SYNJ1: variants seen among roughly 807,000 people sequenced by gnomAD.
The protein encoded by SYNJ1 is synaptojanin 1, also known as polyphosphatidylinositol phosphatase SYNJ1.
Under a neutral mutation model 168.2 loss-of-function variants are expected in SYNJ1, and 78 were observed. That is an observed-to-expected ratio of 0.46 (90% CI 0.39 to 0.56). The LOEUF (loss-of-function observed/expected upper bound fraction) is 0.56. Ranked by LOEUF, SYNJ1 falls within the 20% of genes least tolerant of loss-of-function variation. The pLI is 0.00. For missense variants in SYNJ1, 1,303 were observed against 1,597.6 expected, an observed-to-expected ratio of 0.82 and a Z score of 3.14; for synonymous variants, 539 against 548.6, an observed-to-expected ratio of 0.98 and a Z score of 0.24.
chr21:32,672,377 G>C (rs1239771546), intron 14 of SYNJ1, among the ~76,000 whole-genome samples: 1 of 150,044 alleles, frequency 6.7e-6, no homozygotes, highest in Non-Finnish European at 1.5e-5. Context: ...TTTCACTCTT[G>C]TCACCCAGGC....
At chr21:32,703,889 A>T (rs1170654848) in intron 2 of SYNJ1, among the ~76,000 whole-genome samples, 2 of 151,460 alleles carry the variant, frequency 1.3e-5, no homozygotes, top group African/African-American at 4.9e-5. Context: ...AATTTTTTTT[A>T]TTTTTTATTT....
At chr21:32,660,609 G>A (rs1332852312) in intron 18 of SYNJ1, among the ~76,000 whole-genome samples, 4 of 152,214 alleles carry the variant, frequency 2.6e-5, no homozygotes, top group Admixed American at 1.3e-4. Context: ...CAGGATATGC[G>A]GTGGTAACTT....
intron 6 of SYNJ1, among the ~76,000 whole-genome samples, chr21:32,690,673 C>A (rs767678932): frequency 1.3e-4 from 19 of 151,344 alleles, no homozygotes; most frequent in Non-Finnish European, 1.9e-4. Flanking sequence ...GCTGGATCAC[C>A]TGAGGTCAGG....
intron 2 of SYNJ1, among the ~76,000 whole-genome samples, chr21:32,714,815 C>T (rs1178865533): frequency 1.3e-5 from 2 of 152,192 alleles, no homozygotes; most frequent in African/African-American, 4.8e-5. Flanking sequence ...ATGCAAACAG[C>T]ACATGATATC....
intron 29 of SYNJ1, among the ~76,000 whole-genome samples, chr21:32,641,492 C>T (rs752074156): frequency 2.8e-4 from 43 of 152,142 alleles, no homozygotes; most frequent in Non-Finnish European, 5.0e-4. Flanking sequence ...ACCTTTAGAA[C>T]CAGTTTTACT....
chr21:32,712,767 A>G (rs2146313838), intron 2 of SYNJ1, among the ~76,000 whole-genome samples: 1 of 152,306 alleles, frequency 6.6e-6, no homozygotes, highest in South Asian at 2.1e-4. Flanking sequence ...GGGAGAACCT[A>G]ATTTTAAATT....
chr21:32,631,822 T>G lies in SYNJ1; in HGVS notation c.*4-21A>C, dbSNP rs558917396. 1.3e-4 allele frequency: 214 copies of G among 1,585,776 alleles called. 4 individuals carry two copies. In the South Asian group the frequency reaches 2.3e-3, roughly 17 times the overall value. ...TTTACCTGCAAAAGAAAGGGAGCACTGAAAAATCAGTTTATATTTACTCTT... is the reference window on the plus strand; with the variant it reads ...TTTACCTGCAAAAGAAAGGGAGCACGGAAAAATCAGTTTATATTTACTCTT... On this transcript the variant is annotated intron_variant, in intron 32 of 32. Transcript: ENST00000674351.
intron 4 of SYNJ1, among the ~76,000 whole-genome samples, chr21:32,696,596 C>A (rs545834315): frequency 6.6e-6 from 1 of 152,156 alleles, no homozygotes; most frequent in Non-Finnish European, 1.5e-5. Context: ...ATTATTGAAG[C>A]TTGACTCTTT....
intron 22 of SYNJ1, among the ~76,000 whole-genome samples, chr21:32,651,805 G>A (rs1601288329): frequency 6.6e-6 from 1 of 152,278 alleles, no homozygotes; most frequent in African/African-American, 2.4e-5. Flanking sequence ...ATGTCTATAG[G>A]AGTTTGGTTT....
chr21:32,654,115 C>G (rs1253532475), intron 21 of SYNJ1: 1 of 151,992 alleles, frequency 6.6e-6, no homozygotes, highest in Non-Finnish European at 1.5e-5. Context: ...GCGAGTTAAA[C>G]CACAAGTTCA....
rs1383840634 is a variant in SYNJ1, at chr21:32,727,962, T to C, written c.-39A>G. ...CTTGCTCACCTCTTCCTCCGGCTCC[T>C]CCTCCTCCTTCTCCCGCAGCCGCCG... On this transcript the variant is annotated 5_prime_UTR_variant, in exon 1 of 33. Coordinates refer to ENST00000674351, the MANE Select transcript of SYNJ1 (RefSeq NM_203446.3). 2 of 1,534,012 alleles carry C rather than the reference T, an allele frequency of 1.3e-6. No individual in the cohort carries two copies. The highest frequency in any genetic ancestry group is 3.9e-5 in the Admixed American group (2 of 50,928).
intron 2 of SYNJ1, among the ~76,000 whole-genome samples, chr21:32,706,560 T>C (rs2146266969): frequency 6.6e-6 from 1 of 152,092 alleles, no homozygotes; most frequent in African/African-American, 2.4e-5. Context: ...AACCTTTCTT[T>C]ATGTTTTAAA....
chr21:32,680,233 G>C (rs902527577), intron 11 of SYNJ1, among the ~76,000 whole-genome samples: 12 of 152,040 alleles, frequency 7.9e-5, no homozygotes, highest in Non-Finnish European at 1.5e-4. Context: ...AATACCTCTG[G>C]GCAGAGGCAT....
intron 2 of SYNJ1, among the ~76,000 whole-genome samples, chr21:32,718,138 A>G (rs2043090280): frequency 6.6e-6 from 1 of 152,184 alleles, no homozygotes; most frequent in Non-Finnish European, 1.5e-5. Flanking sequence ...AGTTACGTAT[A>G]TTTTATAGGA....
At chr21:32,669,469 A>T (rs1258042937) in intron 15 of SYNJ1, among the ~76,000 whole-genome samples, 1 of 152,228 alleles carries the variant, frequency 6.6e-6, no homozygotes, top group Non-Finnish European at 1.5e-5. Flanking sequence ...TTGATATTAT[A>T]TAATGAAATG....
intron 2 of SYNJ1, among the ~76,000 whole-genome samples, chr21:32,722,205 A>AAAATAT (rs1286564956): frequency 1.8e-4 from 12 of 65,730 alleles, no homozygotes; most frequent in African/African-American, 2.3e-4. Flanking sequence ...AAAAAAAAAA[A>AAAATAT]ATATATATAT....
intron 8 of SYNJ1, 38 bp downstream of exon 8, chr21:32,686,940 C>A: frequency 7.7e-7 from 1 of 1,295,088 alleles, no homozygotes; most frequent in Non-Finnish European, 1.1e-6. Flanking sequence ...TTCTAGGTGT[C>A]CATGGGCCAG....
chr21:32,680,806 G>A (rs1219046180), intron 11 of SYNJ1, among the ~76,000 whole-genome samples: 4 of 152,108 alleles, frequency 2.6e-5, no homozygotes, highest in Non-Finnish European at 4.4e-5. Context: ...CAGTAGAGAT[G>A]TGGTTTCGCT....
At chr21:32,698,910 T>C (rs2042301785) in intron 4 of SYNJ1, among the ~76,000 whole-genome samples, 2 of 152,200 alleles carry the variant, frequency 1.3e-5, no homozygotes, top group Admixed American at 6.5e-5. Flanking sequence ...ATAGGAAACG[T>C]GAGTAACACA....
Sources: gnomAD v4.1 joint callset for allele counts (sites outside exome capture counted in the v4.1 genomes callset) on GRCh38, gnomAD v4.1.1 for gene constraint, MANE v1.5 for transcripts, NCBI Gene and HGNC (gene_info 2026-07-23, HGNC 2026-07-21) for gene names.